TUBGCP3: variants seen among roughly 807,000 people sequenced by gnomAD.
TUBGCP3 encodes the protein gamma-tubulin complex component 3.
In TUBGCP3, 50 loss-of-function variants were observed where a neutral mutation model predicts 123.1. The ratio of observed to expected loss-of-function variants is 0.41; its 90% CI spans 0.32 to 0.51. The LOEUF is 0.51. Ranked by LOEUF, TUBGCP3 falls within the 20% of genes least tolerant of loss-of-function variation. TUBGCP3 has a pLI of 0.36. For missense variants in TUBGCP3, 882 were observed against 1,127.0 expected (o/e 0.78, Z 3.11); for synonymous variants, 405 against 413.9 (o/e 0.98, Z 0.26).
In TUBGCP3 at chr13:112,495,339, C is replaced by T. The variant is rs114948502; in HGVS notation, c.2448+3706G>A. Among the ~76,000 whole-genome samples, 922 of 152,314 alleles carry T rather than the reference C, an allele frequency of 6.1e-3. 8 individuals are homozygous for T. The highest frequency in any genetic ancestry group is 0.021 in the African/African-American group (878 of 41,562). On this transcript the variant is annotated intron_variant, in intron 20 of 21. Transcript: ENST00000261965. The stretch of plus-strand genomic sequence containing the variant: ...CTTCTCTCTGTACTTCCTCTCAGCT[C>T]GTAGCCCTGGCTGGGACCATCAGTG...
rs773370420 is a variant in TUBGCP3, at chr13:112,489,565, G to C, written c.2565+16C>G. 6.3e-7 allele frequency: 1 copy of C among 1,576,178 alleles called. No homozygotes were observed. Among genetic ancestry groups the C allele is most frequent in the East Asian group, 2.2e-5 (1 of 44,716 alleles). ...GCAGAGTGGTGTGAAGAGCCACTCTGTATCCTCATACACACCTGGTAGAAA... is the reference window on the plus strand; with the variant it reads ...GCAGAGTGGTGTGAAGAGCCACTCTCTATCCTCATACACACCTGGTAGAAA... On this transcript the variant is annotated intron_variant, in intron 21 of 21. Transcript: ENST00000261965.
At position 112,485,290 on chromosome 13, in the gene TUBGCP3, T is replaced by TCGCGGTATTTGGGTTG. The variant is rs1879578992; in HGVS notation, c.*687_*702dup. ...TTACACGCTGCTTTAGCTGATGCAT[T>TCGCGGTATTTGGGTTG]CGCGGTATTTGGGTTGCACTGTATA... On this transcript the variant is annotated 3_prime_UTR_variant, in exon 22 of 22. Transcript: ENST00000261965. 6.5e-6 allele frequency: 1 copy of TCGCGGTATTTGGGTTG among 152,776 alleles called. No individual in the cohort carries two copies. Among genetic ancestry groups the TCGCGGTATTTGGGTTG allele is most frequent in the African/African-American group, 2.4e-5 (1 of 41,580 alleles). The allele number at this position is 152,776 out of a possible 1,614,324, so 9.5% of individuals were successfully genotyped here.
chr13:112,605,438 G>A, the TUBGCP3 span: 19 of 152,098 alleles, frequency 1.2e-4, 1 homozygote, highest in African/African-American at 4.3e-4. Context: ...CCTTTCCATG[G>A]AGCTCAGGCT....
chr13:112,509,573 T>C (rs895401901), intron 17 of TUBGCP3, among the ~76,000 whole-genome samples: 4 of 152,216 alleles, frequency 2.6e-5, no homozygotes, highest in Non-Finnish European at 5.9e-5. Flanking sequence ...GAATACAGTT[T>C]TCCTTCTAGA....
At position 112,508,386 on chromosome 13, in the gene TUBGCP3, T is replaced by C. The variant is rs1358567947; in HGVS notation, c.2087-3672A>G. On this transcript the variant is annotated intron_variant, in intron 17 of 21. Transcript: ENST00000261965. The surrounding 1 kb of genome is among the most constrained non-coding windows in gnomAD (Gnocchi z 4.2). Reference sequence around the variant, plus strand: ...TGACTTTGATTTTGCCCAACTCTTCTGTAGTATATCTTTAAATTTTCAGAT... The same window carrying C: ...TGACTTTGATTTTGCCCAACTCTTCCGTAGTATATCTTTAAATTTTCAGAT... 6.6e-6 allele frequency among the ~76,000 whole-genome samples: 1 copy of C among 152,200 alleles called. No individual in the cohort carries two copies. The highest frequency in any genetic ancestry group is 2.4e-5 in the African/African-American group (1 of 41,454).
rs1882180069 is a variant in TUBGCP3 at position 112,580,157 on chromosome 13, A to G, written c.76+7748T>C. Among the ~76,000 whole-genome samples the G allele has an allele frequency of 3.3e-5, 5 of 152,358 alleles. No homozygotes were observed. The South Asian group carries it at 1.0e-3, about 32-fold the overall frequency. On this transcript the variant is annotated intron_variant, in intron 1 of 21. Transcript: ENST00000261965. The stretch of plus-strand genomic sequence containing the variant: ...ACACAGACACAGGATGGTGGCGGCC[A>G]GCACAAAGGCAAAATGGTAGCACAG...
intron 9 of TUBGCP3, 115 bp from the exon 10 acceptor site, chr13:112,547,867 A>G (rs1566568057): frequency 1.6e-6 from 2 of 1,243,334 alleles, no homozygotes; most frequent in African/African-American, 3.0e-5. Context: ...ATGAAGCCAA[A>G]GTCCCCTTTA....
Position 112,534,031 on chromosome 13 carries a change from G to A in TUBGCP3, c.1336-6547C>T, listed in dbSNP as rs566672045. Among the ~76,000 whole-genome samples the A allele has an allele frequency of 4.6e-5, 7 of 152,194 alleles. No individual in the cohort carries two copies. The South Asian group carries it at 1.5e-3, about 32-fold the overall frequency. On this transcript the variant is annotated intron_variant, in intron 11 of 21. Transcript: ENST00000261965. Reference sequence around the variant, plus strand: ...TACTGCACAGAGGATTGCGAGTGTGGAAGGGAGATGAGTATGCAGAGCTGG... The same window carrying A: ...TACTGCACAGAGGATTGCGAGTGTGAAAGGGAGATGAGTATGCAGAGCTGG...
intron 14 of TUBGCP3, 120 bp from the exon 15 acceptor site, chr13:112,520,141 CCAATA>C: frequency 1.1e-6 from 1 of 911,112 alleles, no homozygotes; most frequent in Non-Finnish European, 1.6e-6. Flanking sequence ...ACAAATGGGA[CCAATA>C]CAATAATGCG....
At chr13:112,560,119 C>G (rs1244314220) in intron 3 of TUBGCP3, among the ~76,000 whole-genome samples, 2 of 127,034 alleles carry the variant, frequency 1.6e-5, no homozygotes, top group Admixed American at 1.9e-4. Flanking sequence ...GGAGACAGAG[C>G]AAGACTCCGT....
At chr13:112,565,377 G>A (rs1471760825) in intron 2 of TUBGCP3, among the ~76,000 whole-genome samples, 199 bp from the exon 3 acceptor site, 2 of 152,140 alleles carry the variant, frequency 1.3e-5, no homozygotes, top group Non-Finnish European at 2.9e-5. Flanking sequence ...TGTAAAGTAC[G>A]GAAAATATTA....
intron 20 of TUBGCP3, among the ~76,000 whole-genome samples, chr13:112,496,941 G>A (rs1199413297): frequency 1.3e-5 from 2 of 150,550 alleles, no homozygotes; most frequent in African/African-American, 2.5e-5. Context: ...AGCCGAGATC[G>A]CGCCACTGCA....
intron 20 of TUBGCP3, among the ~76,000 whole-genome samples, chr13:112,495,512 T>A (rs1288841465): frequency 6.6e-6 from 1 of 152,248 alleles, no homozygotes; most frequent in African/African-American, 2.4e-5. Context: ...ATTGAGATGA[T>A]CATATAATTT....
At chr13:112,580,464 C>CAA (rs200190346) in intron 1 of TUBGCP3, among the ~76,000 whole-genome samples, 6 of 144,682 alleles carry the variant, frequency 4.1e-5, no homozygotes, top group African/African-American at 1.5e-4. Flanking sequence ...AGATCCTTCT[C>CAA]AAAAAAAAAA....
intron 20 of TUBGCP3, among the ~76,000 whole-genome samples, chr13:112,494,954 T>C (rs1053799621): frequency 6.6e-6 from 1 of 152,256 alleles, no homozygotes; most frequent in African/African-American, 2.4e-5. Flanking sequence ...GGGCTCCTTA[T>C]ATATTCTGGT....
At chr13:112,555,352 C>G (rs1304857906) in intron 6 of TUBGCP3, among the ~76,000 whole-genome samples, 3 of 152,158 alleles carry the variant, frequency 2.0e-5, no homozygotes, top group African/African-American at 7.2e-5. Context: ...TCCTCCAGCT[C>G]TCAGATGCTC....
chr13:112,537,405 A>T (rs1250958412), intron 11 of TUBGCP3, among the ~76,000 whole-genome samples: 1 of 152,086 alleles, frequency 6.6e-6, no homozygotes, highest in Non-Finnish European at 1.5e-5. Flanking sequence ...AGTTGAGTTG[A>T]TCATTTTTTC....
intron 16 of TUBGCP3, 98 bp downstream of exon 16, chr13:112,518,877 T>C: frequency 9.8e-7 from 1 of 1,023,822 alleles, no homozygotes; most frequent in Non-Finnish European, 1.5e-6. Flanking sequence ...AGTGATCACT[T>C]GAATTAGAAG....
intron 11 of TUBGCP3, among the ~76,000 whole-genome samples, chr13:112,529,385 A>C (rs1008218898): frequency 7.9e-5 from 12 of 152,216 alleles, no homozygotes; most frequent in African/African-American, 2.7e-4. Flanking sequence ...TCATTTGACT[A>C]TATCAAAAAA....
Sources: allele counts gnomAD v4.1 joint callset (sites outside exome capture counted in the v4.1 genomes callset), GRCh38; gene constraint gnomAD v4.1.1; non-coding constraint Gnocchi (gnomAD v3.1); transcripts MANE v1.5; gene names NCBI Gene and HGNC (gene_info 2026-07-23, HGNC 2026-07-21).